The following CCSER1 variants were observed in gnomAD, a reference collection of about 807,000 sequenced individuals.
CCSER1 encodes serine-rich coiled-coil domain-containing protein 1.
Under a neutral mutation model 82.0 loss-of-function variants are expected in CCSER1, and 41 were observed. The observed-to-expected ratio is 0.50, with a 90% CI of 0.39 to 0.65. The LOEUF (loss-of-function observed/expected upper bound fraction) is 0.65. CCSER1 is among the 30% of genes least tolerant of loss of function. The pLI is 0.00. For synonymous variants in CCSER1, 414 were observed against 383.9 expected (o/e 1.08, Z -0.92); for missense variants, 1,119 against 1,064.2 (o/e 1.05, Z -0.72).
chr4:90,838,990 C>A (rs781604404), intron 8 of CCSER1: 1 of 1,612,828 alleles, frequency 6.2e-7, no homozygotes, highest in Non-Finnish European at 8.5e-7. Context: ...TCTTCAGTTT[C>A]GGCTTATCGA....
chr4:91,089,580 A>T (rs971875887), intron 10 of CCSER1, among the ~76,000 whole-genome samples: 3 of 152,218 alleles, frequency 2.0e-5, no homozygotes, highest in African/African-American at 7.2e-5. Context: ...ATAGATTGAT[A>T]GTGATTCATA....
At chr4:90,798,953 C>T (rs1756410328) in intron 7 of CCSER1, among the ~76,000 whole-genome samples, 1 of 152,186 alleles carries the variant, frequency 6.6e-6, no homozygotes, top group Admixed American at 6.5e-5. Context: ...TTTTTTAGTG[C>T]AGTAACAGTA....
intron 10 of CCSER1, among the ~76,000 whole-genome samples, chr4:91,586,881 T>C (rs147780728): frequency 6.1e-4 from 93 of 151,924 alleles, no homozygotes; most frequent in African/African-American, 2.2e-3. Context: ...GGGGGTAATA[T>C]TGCATACTTA....
At position 91,329,583 on chromosome 4, in the gene CCSER1, A is replaced by G. The variant is rs72879059; in HGVS notation, c.2217+243589A>G. 9.8e-3 allele frequency among the ~76,000 whole-genome samples: 1,492 copies of G among 152,152 alleles called. 34 individuals carry two copies. Among genetic ancestry groups the G allele is most frequent in the African/African-American group, 0.034 (1,398 of 41,434 alleles). ...AACTCCAAGATCAAGGTGCTAGCAG[A>G]TCAAGGTGCCACCAGTGTCTGGTGA... On this transcript the variant is annotated intron_variant, in intron 10 of 10. Coordinates refer to ENST00000509176, the MANE Select transcript of CCSER1 (RefSeq NM_001145065.2).
chr4:91,590,486 A>G (rs1372762815), intron 10 of CCSER1, among the ~76,000 whole-genome samples: 1 of 152,132 alleles, frequency 6.6e-6, no homozygotes, highest in Non-Finnish European at 1.5e-5. Context: ...TAAGGCTACA[A>G]ACAGACACAG....
At chr4:90,847,729 G>A (rs1283771291) in intron 8 of CCSER1, among the ~76,000 whole-genome samples, 1 of 152,134 alleles carries the variant, frequency 6.6e-6, no homozygotes, top group Non-Finnish European at 1.5e-5. Flanking sequence ...TAAAAATAAT[G>A]TTATAATTCA....
At chr4:90,920,870 G>A (rs1728279768) in intron 8 of CCSER1, among the ~76,000 whole-genome samples, 1 of 151,682 alleles carries the variant, frequency 6.6e-6, no homozygotes, top group African/African-American at 2.4e-5. Context: ...TATCATGAAG[G>A]TGAAATTTCT....
chr4:90,541,460 A>T (rs998097312), intron 5 of CCSER1, among the ~76,000 whole-genome samples: 11 of 152,108 alleles, frequency 7.2e-5, no homozygotes, highest in African/African-American at 2.7e-4. Flanking sequence ...CAAACTCTAT[A>T]AAGTGACTGA....
chr4:91,222,040 T>A (rs62311968), intron 10 of CCSER1, among the ~76,000 whole-genome samples: 8,760 of 151,902 alleles, frequency 0.058, 490 homozygotes, highest in African/African-American at 0.15. Flanking sequence ...ATAATGTTGT[T>A]ACAAAGAAAA....
In CCSER1 at chr4:90,308,443, A is replaced by G; in HGVS notation, c.159A>G (p.Ser53=). 6.2e-7 allele frequency: 1 copy of G among 1,612,576 alleles called. No individual in the cohort carries two copies. The highest frequency in any genetic ancestry group is 8.5e-7 in the Non-Finnish European group (1 of 1,178,600). ...SSSPSSTNSS[S]GSTGKRRSIF... is the part of the protein sequence containing the mutation. ...CTCCTTCCAGCACTAACTCAAGCTC[A>G]GGTAGCACAGGTAAACGGAGGAGCA... The change falls in exon 2 of 11, where the codon TCA becomes TCG. Residue 53 remains serine, a synonymous_variant. Coordinates refer to ENST00000509176, the MANE Select transcript of CCSER1 (RefSeq NM_001145065.2).
chr4:90,318,018 T>G (rs1031502657), intron 3 of CCSER1, among the ~76,000 whole-genome samples: 3 of 152,172 alleles, frequency 2.0e-5, no homozygotes, highest in Non-Finnish European at 2.9e-5. Flanking sequence ...TCCCAAATAT[T>G]TTGTTGTATC....
At chr4:90,550,148 G>C (rs1340445438) in intron 5 of CCSER1, among the ~76,000 whole-genome samples, 1 of 152,130 alleles carries the variant, frequency 6.6e-6, no homozygotes, top group African/African-American at 2.4e-5. Flanking sequence ...GGACAGTTGA[G>C]GAGAGCAAGG....
At chr4:91,152,497 T>C (rs746759314) in intron 10 of CCSER1, among the ~76,000 whole-genome samples, 2 of 152,236 alleles carry the variant, frequency 1.3e-5, no homozygotes, top group Non-Finnish European at 2.9e-5. Context: ...ATCTTTTAAT[T>C]GGAGCATTCA....
chr4:90,482,349 G>A (rs1014624454), intron 5 of CCSER1, among the ~76,000 whole-genome samples: 1 of 151,866 alleles, frequency 6.6e-6, no homozygotes, highest in Non-Finnish European at 1.5e-5. Context: ...TTTTTTGAAG[G>A]GCTTTTTGTG....
intron 1 of CCSER1, among the ~76,000 whole-genome samples, chr4:90,179,212 G>A (rs1281761007): frequency 1.3e-5 from 2 of 151,362 alleles, no homozygotes; most frequent in African/African-American, 4.9e-5. Flanking sequence ...GAAAGCTCTT[G>A]ATATTGTGTG....
chr4:91,582,187 A>G (rs186904907), intron 10 of CCSER1, among the ~76,000 whole-genome samples: 7 of 151,588 alleles, frequency 4.6e-5, no homozygotes, highest in Admixed American at 4.6e-4. Context: ...CTATTTTTTG[A>G]AAATGATTGC....
At chr4:91,473,169 T>G (rs2149445925) in intron 10 of CCSER1, among the ~76,000 whole-genome samples, 1 of 152,260 alleles carries the variant, frequency 6.6e-6, no homozygotes, top group South Asian at 2.1e-4. Flanking sequence ...ATGAGCAAAC[T>G]TGGAATGTAA....
intron 10 of CCSER1, among the ~76,000 whole-genome samples, chr4:91,301,687 A>G (rs111547837): frequency 6.6e-6 from 1 of 151,816 alleles, no homozygotes; most frequent in Non-Finnish European, 1.5e-5. Context: ...TCGGGTTGCT[A>G]CTTTTTAGAG....
chr4:90,174,851 T>A (rs1427147336), intron 1 of CCSER1, among the ~76,000 whole-genome samples: 1 of 151,940 alleles, frequency 6.6e-6, no homozygotes, highest in Non-Finnish European at 1.5e-5. Flanking sequence ...AAAGATTGAT[T>A]GTATCAAGTG....
Sources: gnomAD v4.1 joint callset for allele counts (sites outside exome capture counted in the v4.1 genomes callset) on GRCh38, gnomAD v4.1.1 for gene constraint, MANE v1.5 for transcripts, NCBI Gene and HGNC (gene_info 2026-07-23, HGNC 2026-07-21) for gene names.